THSD7A: variants seen among roughly 807,000 people sequenced by gnomAD.
THSD7A encodes the protein thrombospondin type-1 domain-containing protein 7A.
In THSD7A, 96 loss-of-function variants were observed where a neutral mutation model predicts 231.3. That is an observed-to-expected ratio of 0.41 (90% confidence interval 0.35 to 0.49). The LOEUF is 0.49. THSD7A is among the 20% of genes least tolerant of loss of function. The probability of loss-of-function intolerance (pLI) is 0.05; values close to 1 mark genes in which losing one functional copy is unlikely to be tolerated. For synonymous variants in THSD7A, 940 were observed against 743.3 expected, an observed-to-expected ratio of 1.26 and a Z score of -4.30; for missense variants, 2,290 against 2,070.2, an observed-to-expected ratio of 1.11 and a Z score of -2.06.
At chr7:11,648,403 G>T (rs1015092828) in intron 1 of THSD7A, among the ~76,000 whole-genome samples, 12 of 152,040 alleles carry the variant, frequency 7.9e-5, no homozygotes, top group African/African-American at 2.7e-4. Flanking sequence ...TAGGTGCCAT[G>T]GGAGTCTGGG....
chr7:11,604,135 T>G (rs528275356), intron 2 of THSD7A, among the ~76,000 whole-genome samples: 1 of 152,304 alleles, frequency 6.6e-6, no homozygotes, highest in African/African-American at 2.4e-5. Context: ...TTCTAATGTT[T>G]ATGTATATAA....
At chr7:11,725,292 G>A (rs1013044922) in intron 1 of THSD7A, among the ~76,000 whole-genome samples, 1 of 151,928 alleles carries the variant, frequency 6.6e-6, no homozygotes, top group Non-Finnish European at 1.5e-5. Flanking sequence ...TTTATACTCT[G>A]ATTTGAGATG....
chr7:11,773,706 C>T (rs1356952713), intron 1 of THSD7A, among the ~76,000 whole-genome samples: 2 of 151,828 alleles, frequency 1.3e-5, no homozygotes, highest in Non-Finnish European at 2.9e-5. Flanking sequence ...TTGTGGGGTA[C>T]ATTTTTTTTG....
chr7:11,600,176 C>T (rs889740005), intron 2 of THSD7A, among the ~76,000 whole-genome samples: 5 of 151,792 alleles, frequency 3.3e-5, no homozygotes, highest in African/African-American at 1.2e-4. Context: ...TAACTTAACA[C>T]CATATTGTTT....
intron 13 of THSD7A, among the ~76,000 whole-genome samples, chr7:11,439,812 A>AAAG (rs1236006149): frequency 6.6e-6 from 1 of 152,086 alleles, no homozygotes; most frequent in Non-Finnish European, 1.5e-5. Context: ...ATAAAAGTGC[A>AAAG]AAGTAAAGCA....
At chr7:11,682,178 C>T (rs1212446841) in intron 1 of THSD7A, among the ~76,000 whole-genome samples, 1 of 152,030 alleles carries the variant, frequency 6.6e-6, no homozygotes, top group Non-Finnish European at 1.5e-5. Flanking sequence ...CCCACAGATC[C>T]TATAAAGAAA....
chr7:11,530,537 T>C (rs1183204768), intron 6 of THSD7A, among the ~76,000 whole-genome samples: 2 of 152,144 alleles, frequency 1.3e-5, no homozygotes, highest in East Asian at 1.9e-4. Flanking sequence ...AGCAACCATA[T>C]AGAAGGAATA....
At chr7:11,786,771 A>AG (rs371673660) in intron 1 of THSD7A, among the ~76,000 whole-genome samples, 47,781 of 148,222 alleles carry the variant, frequency 0.32, 7,865 homozygotes, top group Middle Eastern at 0.45. Context: ...AAAAAAAAAA[A>AG]AAAAAAAAAG....
intron 4 of THSD7A, among the ~76,000 whole-genome samples, chr7:11,583,945 A>T (rs570633199): frequency 1.3e-5 from 2 of 152,356 alleles, no homozygotes; most frequent in South Asian, 4.1e-4. Flanking sequence ...GTTAAGACTG[A>T]GGCTGACCTA....
chr7:11,542,909 T>C lies in THSD7A; in HGVS notation c.1609+53A>G. 3 of 1,545,300 alleles carry C rather than the reference T, an allele frequency of 1.9e-6. No homozygotes were observed. The South Asian group carries it at 3.6e-5, about 19-fold the overall frequency. On this transcript the variant is annotated intron_variant, in intron 5 of 27. Coordinates refer to ENST00000423059, the MANE Select transcript of THSD7A (RefSeq NM_015204.3). Reference sequence around the variant, plus strand: ...AGAAGAGCATTTTAAAAATAATTCATGATTTGATACAATTGGTGGGTATAA... The same window carrying C: ...AGAAGAGCATTTTAAAAATAATTCACGATTTGATACAATTGGTGGGTATAA...
chr7:11,479,667 T>G (rs1408939461), intron 7 of THSD7A, among the ~76,000 whole-genome samples: 1 of 152,210 alleles, frequency 6.6e-6, no homozygotes, highest in Non-Finnish European at 1.5e-5. Flanking sequence ...AAAATGTGTT[T>G]CAGTGTCCAA....
At chr7:11,560,033 C>A (rs1790013017) in intron 4 of THSD7A, among the ~76,000 whole-genome samples, 1 of 151,806 alleles carries the variant, frequency 6.6e-6, no homozygotes, top group Non-Finnish European at 1.5e-5. Context: ...CAACTCATGT[C>A]CAATTAAAAG....
In THSD7A at chr7:11,375,737, C is replaced by G; in HGVS notation, c.*57G>C. ...AGTTTGGATACATTTGTTGTGGCCT[C>G]TGGACATCTATGAAGTCAGAAAGCC... is the stretch of plus-strand genomic sequence containing the variant. On this transcript the variant is annotated 3_prime_UTR_variant, in exon 28 of 28. Transcript: ENST00000423059. The G allele has an allele frequency of 7.1e-7, 1 of 1,416,632 alleles. No homozygotes were observed. The highest frequency in any genetic ancestry group is 9.9e-7 in the Non-Finnish European group (1 of 1,005,876). 87.8% of individuals were successfully genotyped at this position (1,416,632 alleles called of 1,614,324 possible).
At position 11,379,202 on chromosome 7, in the gene THSD7A, G is replaced by T. The variant is rs868694163; in HGVS notation, c.4669C>A (p.Pro1557Thr). 1 of 1,613,572 alleles carries T rather than the reference G, an allele frequency of 6.2e-7. No homozygotes were observed. Among genetic ancestry groups the T allele is most frequent in the Non-Finnish European group, 8.5e-7 (1 of 1,179,640 alleles). Residue 1557 changes from proline to threonine, a missense_variant, in exon 26 of 28, where the codon CCC (proline) becomes ACC (threonine). Coordinates refer to ENST00000423059, the MANE Select transcript of THSD7A (RefSeq NM_015204.3). ...TCCATGGTGGGTAATACCACCACGG[G>T]GATAAGTGTGCATTGCTCAAGGGTG... is the stretch of plus-strand genomic sequence containing the variant. Reference protein sequence around the residue: ...NSTLEQCTLIPVVVLPTMEDK... With the variant: ...NSTLEQCTLITVVVLPTMEDK...
chr7:11,386,444 G>C (rs1005525949), intron 23 of THSD7A, among the ~76,000 whole-genome samples: 1 of 152,152 alleles, frequency 6.6e-6, no homozygotes, highest in African/African-American at 2.4e-5. Flanking sequence ...TTGTGGTTTT[G>C]ATTTGTGTTT....
intron 4 of THSD7A, among the ~76,000 whole-genome samples, chr7:11,554,835 T>C (rs1365381298): frequency 6.6e-6 from 1 of 151,916 alleles, no homozygotes; most frequent in Non-Finnish European, 1.5e-5. Flanking sequence ...AGGTTGCAAT[T>C]TATTTTGATT....
rs561801558 is a variant in THSD7A at position 11,596,241 on chromosome 7, A to T, written c.1023-2739T>A. ...TGGCCTTTTACCTGGGTAACTGTGCATTGGGAAAGGGAAATGATCAGACAA... is the reference window on the plus strand; with the variant it reads ...TGGCCTTTTACCTGGGTAACTGTGCTTTGGGAAAGGGAAATGATCAGACAA... On this transcript the variant is annotated intron_variant, in intron 2 of 27. Coordinates refer to ENST00000423059, the MANE Select transcript of THSD7A (RefSeq NM_015204.3). 9.9e-5 allele frequency among the ~76,000 whole-genome samples: 15 copies of T among 152,268 alleles called. No homozygotes were observed. In the South Asian group the frequency reaches 3.1e-3, roughly 32 times the overall value.
intron 1 of THSD7A, among the ~76,000 whole-genome samples, chr7:11,819,831 G>C (rs1203741889): frequency 5.3e-5 from 8 of 152,150 alleles, no homozygotes; most frequent in Non-Finnish European, 1.0e-4. Flanking sequence ...TAATAATAAT[G>C]TAGTAATATT....
At position 11,474,343 on chromosome 7, in the gene THSD7A, C is replaced by A; in HGVS notation, c.2243G>T (p.Gly748Val). 6.2e-7 allele frequency: 1 copy of A among 1,607,008 alleles called. No homozygotes were observed. Among genetic ancestry groups the A allele is most frequent in the Non-Finnish European group, 8.5e-7 (1 of 1,176,104 alleles). ...ICVRVNVGQV[G>V]PKKCPESLRP... ...ATTCTAAAGCTCTTACTTTTTGGGT[C>A]CCACTTGGCCCACATTGACTCGCAC... The change falls in exon 8 of 28, where the codon GGA becomes GTA. Residue 748 changes from glycine (G) to valine (V), a missense_variant. Gly to Val is a moderately radical substitution (Grantham distance 109). Transcript: ENST00000423059. The surrounding 1 kb of genome is among the most constrained non-coding windows in gnomAD (Gnocchi z 4.1).
Sources: gnomAD v4.1 joint callset for allele counts (sites outside exome capture counted in the v4.1 genomes callset) on GRCh38, gnomAD v4.1.1 for gene constraint, Gnocchi (gnomAD v3.1) non-coding constraint, MANE v1.5 for transcripts, NCBI Gene and HGNC (gene_info 2026-07-23, HGNC 2026-07-21) for gene names.